ERCC1: variants seen among roughly 807,000 people sequenced by gnomAD.
The protein encoded by ERCC1 is DNA excision repair protein ERCC-1.
Under a neutral mutation model 37.6 loss-of-function variants are expected in ERCC1, and 36 were observed. The observed-to-expected ratio is 0.96, with a 90% CI of 0.73 to 1.26. ERCC1 has a LOEUF of 1.26. Among genes scored for constraint, ERCC1 ranks in the 50% most tolerant of loss-of-function variants. The probability of loss-of-function intolerance (pLI) is 0.00; values close to 1 mark genes in which losing one functional copy is unlikely to be tolerated. For synonymous variants in ERCC1, 156 were observed against 162.1 expected, an observed-to-expected ratio of 0.96 and a Z score of 0.28; for missense variants, 349 against 376.5, an observed-to-expected ratio of 0.93 and a Z score of 0.60.
At position 45,408,506 on chromosome 19, in the gene ERCC1, C is replaced by G. The variant is rs1973485301; in HGVS notation, c.*1169G>C. On this transcript the variant is annotated 3_prime_UTR_variant, in exon 10 of 10. Coordinates refer to ENST00000300853, the MANE Select transcript of ERCC1 (RefSeq NM_001983.4). ...CTCAGGGAAGAAGAAAAAGGAGATG[C>G]AGGTGACAGAGGCCCCAGTCACTCA... is the stretch of plus-strand genomic sequence containing the variant. 6.2e-7 allele frequency: 1 copy of G among 1,614,016 alleles called. No individual in the cohort carries two copies. Among genetic ancestry groups the G allele is most frequent in the Non-Finnish European group, 8.5e-7 (1 of 1,179,970 alleles).
rs771863554 is a variant in ERCC1 at position 45,407,377 on chromosome 19, A to G, written c.*2298T>C. 67 of 725,014 alleles carry G rather than the reference A, an allele frequency of 9.2e-5. No individual in the cohort carries two copies. Among genetic ancestry groups the G allele is most frequent in the Non-Finnish European group, 1.2e-4 (56 of 452,116 alleles). 44.9% of individuals were successfully genotyped at this position (725,014 alleles called of 1,614,324 possible). On this transcript the variant is annotated 3_prime_UTR_variant, in exon 10 of 10. Transcript: ENST00000300853. ...TTTATTGGAAACTACTCCTTTACAG[A>G]GTAGAGTGTCCTCAGAAAGCAGGGG...
chr19:45,449,102 A>G (rs1443490870), intron 1 of ERCC1: 1 of 152,230 alleles, frequency 6.6e-6, no homozygotes, highest in African/African-American at 2.4e-5. Flanking sequence ...CCTGGAAGTG[A>G]TTGTGAAGGA....
intron 1 of ERCC1, among the ~76,000 whole-genome samples, chr19:45,442,059 C>T (rs1254615680): frequency 6.6e-6 from 1 of 151,660 alleles, no homozygotes; most frequent in Admixed American, 6.6e-5. Flanking sequence ...TGTAATCCCA[C>T]CCAGCACTTT....
upstream of ERCC1, among the ~76,000 whole-genome samples, chr19:45,426,594 A>G (rs984848686): frequency 2.7e-5 from 4 of 150,912 alleles, no homozygotes; most frequent in African/African-American, 9.8e-5. Flanking sequence ...GTCTTGATCT[A>G]TTGCCCAGAT....
chr19:45,423,635 C>G (rs1470567025), intron 1 of ERCC1, 146 bp downstream of exon 1: 2 of 1,329,428 alleles, frequency 1.5e-6, no homozygotes, highest in Non-Finnish European at 1.9e-6. Flanking sequence ...TGGCTCCGTC[C>G]CCACCATCCC....
chr19:45,447,401 G>A (rs952265114), intron 1 of ERCC1, among the ~76,000 whole-genome samples: 1 of 149,592 alleles, frequency 6.7e-6, no homozygotes, highest in Non-Finnish European at 1.5e-5. Context: ...TCAGCCTCCT[G>A]AGTAGCTGGA....
At chr19:45,437,760 G>A (rs1020930237) in intron 1 of ERCC1, among the ~76,000 whole-genome samples, 6 of 152,136 alleles carry the variant, frequency 3.9e-5, no homozygotes, top group African/African-American at 1.4e-4. Context: ...CAGCGAGACT[G>A]GAGAAATATA....
At chr19:45,422,332 A>G (rs115601591) in intron 2 of ERCC1, among the ~76,000 whole-genome samples, 74 of 152,090 alleles carry the variant, frequency 4.9e-4, no homozygotes, top group African/African-American at 1.7e-3. Context: ...CTGCCCTTGA[A>G]CACGGCAGGC....
chr19:45,432,459 T>C (rs1030850384), intron 1 of ERCC1, among the ~76,000 whole-genome samples: 2 of 152,110 alleles, frequency 1.3e-5, no homozygotes, highest in African/African-American at 4.8e-5. Flanking sequence ...TCAACAAATA[T>C]TTCTAAAATT....
intron 1 of ERCC1, among the ~76,000 whole-genome samples, chr19:45,441,875 G>C (rs1975128837): frequency 6.7e-6 from 1 of 149,210 alleles, no homozygotes; most frequent in Non-Finnish European, 1.5e-5. Flanking sequence ...GTAGAGACGG[G>C]GTTTCACAGT....
intron 1 of ERCC1, among the ~76,000 whole-genome samples, chr19:45,448,907 C>A (rs1269957833): frequency 6.6e-6 from 1 of 152,022 alleles, no homozygotes; most frequent in Non-Finnish European, 1.5e-5. Context: ...GCAATCTCAG[C>A]CTTACCAAGC....
At position 45,415,236 on chromosome 19, in the gene ERCC1, G is replaced by A. The variant is rs1475444603; in HGVS notation, c.603-276C>T. 7.3e-5 allele frequency among the ~76,000 whole-genome samples: 11 copies of A among 151,580 alleles called. No homozygotes were observed. In the East Asian group the frequency reaches 2.1e-3, roughly 29 times the overall value. On this transcript the variant is annotated intron_variant, in intron 6 of 9. Transcript: ENST00000300853. ...TGTAGTCCCAGCTACTCAGGAGGCT[G>A]AGGCAGGAGAATCGCCTGAACCCGG...
At chr19:45,414,475 TC>T in intron 7 of ERCC1, 3 of 269,124 alleles carry the variant, frequency 1.1e-5, no homozygotes, top group Non-Finnish European at 6.9e-6. Flanking sequence ...AGACTCCATC[TC>T]AAAAAAAAAA....
chr19:45,444,392 C>A lies in ERCC1; in HGVS notation c.-7-21011G>T, dbSNP rs1212289821. On this transcript the variant is annotated intron_variant, in intron 1 of 8. Transcript: ENST00000423698. Reference sequence around the variant, plus strand: ...CGGCGCGGGTTCCCAGGCCGCCCCCCCGCGGTGGCCCAGAGACCCAGTTTG... The same window carrying A: ...CGGCGCGGGTTCCCAGGCCGCCCCCACGCGGTGGCCCAGAGACCCAGTTTG... Among the ~76,000 whole-genome samples the A allele has an allele frequency of 3.3e-5, 5 of 151,648 alleles. No homozygotes were observed. The South Asian group carries it at 6.2e-4, about 19-fold the overall frequency.
intron 1 of ERCC1, among the ~76,000 whole-genome samples, chr19:45,450,088 A>G (rs1289165988): frequency 6.6e-6 from 1 of 152,218 alleles, no homozygotes; most frequent in African/African-American, 2.4e-5. Context: ...GATGGTCACA[A>G]TTCTAGGGGT....
At chr19:45,421,990 C>T (rs1362000850) in intron 2 of ERCC1, among the ~76,000 whole-genome samples, 2 of 152,028 alleles carry the variant, frequency 1.3e-5, no homozygotes, top group Non-Finnish European at 2.9e-5. Context: ...TTCCAGAAGG[C>T]TGAGAGCTCA....
chr19:45,446,036 G>A (rs181596378), intron 1 of ERCC1, among the ~76,000 whole-genome samples: 46 of 151,886 alleles, frequency 3.0e-4, no homozygotes, highest in African/African-American at 1.1e-3. Flanking sequence ...TTACAGGCTC[G>A]TGCCACCACG....
chr19:45,420,266 C>A lies in ERCC1; in HGVS notation c.425+58G>T, dbSNP rs929256496. The A allele has an allele frequency of 9.0e-7, 1 of 1,106,806 alleles. No homozygotes were observed. Among genetic ancestry groups the A allele is most frequent in the Non-Finnish European group, 1.4e-6 (1 of 736,102 alleles). The allele number at this position is 1,106,806 out of a possible 1,614,324, so 68.6% of individuals were successfully genotyped here. On this transcript the variant is annotated intron_variant, in intron 4 of 9. Transcript: ENST00000300853. The surrounding 1 kb of genome is among the most constrained non-coding windows in gnomAD (Gnocchi z 4.8). ...AACAGTCCAGAACACTGGGACATGA[C>A]CCTCCCAGGCCAGTGGGGTGCCCTT...
At chr19:45,441,702 G>C (rs1975124565) in intron 1 of ERCC1, among the ~76,000 whole-genome samples, 1 of 147,064 alleles carries the variant, frequency 6.8e-6, no homozygotes, top group African/African-American at 2.5e-5. Context: ...TTCTGAGACG[G>C]AGTCTTGCTC....
Sources: gnomAD v4.1 joint callset for allele counts (sites outside exome capture counted in the v4.1 genomes callset) on GRCh38, gnomAD v4.1.1 for gene constraint, Gnocchi (gnomAD v3.1) non-coding constraint, MANE v1.5 for transcripts, NCBI Gene and HGNC (gene_info 2026-07-23, HGNC 2026-07-21) for gene names.